Variants in RHNO1 observed in about 807,000 individuals in gnomAD.
RHNO1 encodes the protein RAD9-HUS1-RAD1 interacting nuclear orphan 1, also known as RAD9, HUS1, RAD1-interacting nuclear orphan protein 1.
In RHNO1, 9 loss-of-function variants were observed where a neutral mutation model predicts 7.2. That is an observed-to-expected ratio of 1.25 (90% confidence interval 0.75 to 2.18). The LOEUF (loss-of-function observed/expected upper bound fraction) is 2.18. Among genes scored for constraint, RHNO1 ranks in the 30% most tolerant of loss-of-function variants. The pLI is 0.00. For missense variants in RHNO1, 292 were observed against 284.5 expected, an observed-to-expected ratio of 1.03 and a Z score of -0.19; for synonymous variants, 95 against 107.5, an observed-to-expected ratio of 0.88 and a Z score of 0.72.
chr12:2,888,668 C>T lies in RHNO1; in HGVS notation c.*209C>T. On this transcript the variant is annotated 3_prime_UTR_variant, in exon 3 of 3. Transcript: ENST00000489288. ...TCAGCCTCCCCAGTAGCTGGGATTA[C>T]AGGCACCAGCCACCATGCCTGGCTA... 1 of 411,980 alleles carries T rather than the reference C, an allele frequency of 2.4e-6. No homozygotes were observed. The highest frequency in any genetic ancestry group is 4.0e-5 in the Admixed American group (1 of 25,260). The allele number at this position is 411,980 out of a possible 1,614,324, so 25.5% of individuals were successfully genotyped here.
chr12:2,883,151 C>T (rs996912608), intron 1 of RHNO1, among the ~76,000 whole-genome samples: 9 of 149,224 alleles, frequency 6.0e-5, no homozygotes, highest in Admixed American at 1.3e-4. Context: ...GGCTGAGGTG[C>T]GCAGATAGCT....
intron 2 of RHNO1, among the ~76,000 whole-genome samples, chr12:2,886,715 A>G (rs1017256391): frequency 6.6e-6 from 1 of 151,946 alleles, no homozygotes; most frequent in Non-Finnish European, 1.5e-5. Context: ...ACTATACAAC[A>G]GGAAAGTAGT....
chr12:2,883,511 A>ATATATAT (rs2098161542), intron 1 of RHNO1, among the ~76,000 whole-genome samples: 25 of 26,830 alleles, frequency 9.3e-4, no homozygotes, highest in African/African-American at 1.7e-3. Flanking sequence ...ATATATATAT[A>ATATATAT]TTTTTTTTTT....
Position 2,885,560 on chromosome 12 carries a change from C to CT in RHNO1, c.168+26_168+27insT, listed in dbSNP as rs2098164432. 2.6e-4 allele frequency: 190 copies of CT among 737,592 alleles called. 2 individuals are homozygous for CT. Among genetic ancestry groups the CT allele is most frequent in the African/African-American group, 8.3e-4 (36 of 43,612 alleles). The allele number at this position is 737,592 out of a possible 1,614,324, so 45.7% of individuals were successfully genotyped here. ...GTAGGCCCATGGGATTACTATTTGA[C>CT]ATTTTTTTTTTTTTTTTTTTTTTTT... On this transcript the variant is annotated intron_variant, in intron 2 of 2. Coordinates refer to ENST00000489288, the MANE Select transcript of RHNO1 (RefSeq NM_001252499.3).
intron 2 of RHNO1, among the ~76,000 whole-genome samples, chr12:2,887,369 A>G (rs2098166787): frequency 6.6e-6 from 1 of 151,372 alleles, no homozygotes; most frequent in South Asian, 2.1e-4. Flanking sequence ...TCCCAGCTAC[A>G]CGGGAAGCTT....
At chr12:2,887,094 G>A (rs1247283458) in intron 2 of RHNO1, 4 of 419,466 alleles carry the variant, frequency 9.5e-6, no homozygotes, top group South Asian at 4.9e-5. Context: ...TGTAATCCCA[G>A]CACTTTGGGA....
rs1349144621 is a variant in RHNO1, at chr12:2,888,381, G to A, written c.639G>A (p.Trp213Ter). Reference sequence around the variant, plus strand: ...ACAAGTATGGAATAAAGGTCACATGGAGGAGACGACAGCACCTGCTTGCTT... The same window carrying A: ...ACAAGTATGGAATAAAGGTCACATGAAGGAGACGACAGCACCTGCTTGCTT... Reference protein sequence around the residue: ...PEDKYGIKVTWRRRQHLLAYL... With the variant: ...PEDKYGIKVT Residue 213 changes from tryptophan (W) to a stop codon, truncating the protein, a stop_gained, in exon 3 of 3, where the codon TGG becomes TGA. Coordinates refer to ENST00000489288, the MANE Select transcript of RHNO1 (RefSeq NM_001252499.3). LOFTEE classifies it high-confidence loss of function. 9 of 1,614,024 alleles carry A rather than the reference G, an allele frequency of 5.6e-6. No individual in the cohort carries two copies. The highest frequency in any genetic ancestry group is 7.6e-6 in the Non-Finnish European group (9 of 1,179,962).
chr12:2,881,268 A>C (rs2153944591), intron 1 of RHNO1, among the ~76,000 whole-genome samples: 1 of 151,320 alleles, frequency 6.6e-6, no homozygotes, highest in African/African-American at 2.4e-5. Context: ...ACGCCTGGCT[A>C]ATTTTTGTAT....
intron 1 of RHNO1, among the ~76,000 whole-genome samples, chr12:2,878,918 G>T (rs1231270751): frequency 6.6e-6 from 1 of 151,814 alleles, no homozygotes; most frequent in East Asian, 1.9e-4. Flanking sequence ...TCAGGGGAAT[G>T]ATCGTGAATT....
Position 2,888,228 on chromosome 12 carries a change from A to G in RHNO1, c.486A>G (p.Ser162=), listed in dbSNP as rs373895599. The G allele has an allele frequency of 1.4e-5, 22 of 1,614,144 alleles. No individual in the cohort carries two copies. In the African/African-American group the frequency reaches 2.1e-4, roughly 16 times the overall value. ...FIPPDIQTPE[S]SSVKEELIPQ... Reference sequence around the variant, plus strand: ...CACCTGATATCCAGACCCCAGAGTCATCGTCTGTGAAGGAAGAACTCATTC... The same window carrying G: ...CACCTGATATCCAGACCCCAGAGTCGTCGTCTGTGAAGGAAGAACTCATTC... Residue 162 remains serine, a synonymous_variant, in exon 3 of 3, where the codon TCA becomes TCG. Transcript: ENST00000489288.
chr12:2,882,759 T>C (rs1000153119), intron 1 of RHNO1, among the ~76,000 whole-genome samples: 4 of 151,980 alleles, frequency 2.6e-5, no homozygotes, highest in Admixed American at 6.6e-5. Context: ...TTGACTGTTA[T>C]TTTAGACATA....
chr12:2,876,515 G>A (rs1384079234), upstream of RHNO1: 1 of 152,460 alleles, frequency 6.6e-6, no homozygotes, highest in Non-Finnish European at 1.5e-5. Context: ...CCTGCAAAAG[G>A]GTAAGTAAGA....
At chr12:2,887,392 C>T (rs943264739) in intron 2 of RHNO1, among the ~76,000 whole-genome samples, 1 of 150,472 alleles carries the variant, frequency 6.6e-6, no homozygotes, top group Non-Finnish European at 1.5e-5. Flanking sequence ...GCAGCAGAAT[C>T]GCTTGCATCA....
rs796965997 is a variant in RHNO1 at position 2,884,672 on chromosome 12, A to AT, written c.-84-600dup. On this transcript the variant is annotated intron_variant, in intron 1 of 2. Transcript: ENST00000489288. ...GCCCCCTCACCCAGCCATGTCACCT[A>AT]TTTTTTTTTTTAACCTCAGCCTGAC... Among the ~76,000 whole-genome samples the AT allele has an allele frequency of 5.0e-3, 741 of 146,760 alleles. 4 individuals are homozygous for AT. The highest frequency in any genetic ancestry group is 0.017 in the African/African-American group (690 of 40,172).
rs926297890 is a variant in RHNO1 at position 2,877,245 on chromosome 12, G to T, written c.-122G>T. The T allele has an allele frequency of 6.6e-6, 1 of 152,384 alleles. No homozygotes were observed. Among genetic ancestry groups the T allele is most frequent in the South Asian group, 2.1e-4 (1 of 4,832 alleles). The allele number at this position is 152,384 out of a possible 1,614,324, so 9.4% of individuals were successfully genotyped here. On this transcript the variant is annotated 5_prime_UTR_variant, in exon 1 of 3. Coordinates refer to ENST00000489288, the MANE Select transcript of RHNO1 (RefSeq NM_001252499.3). The stretch of plus-strand genomic sequence containing the variant: ...GGCATTCCGGGCTCGAAGGCTGTGC[G>T]GTCTGCCAGGAGCTGCGGCCCCGTC...
Position 2,888,015 on chromosome 12 carries a change from T to G in RHNO1, c.273T>G (p.Phe91Leu). Residue 91 changes from phenylalanine (F) to leucine (L), a missense_variant, in exon 3 of 3, where the codon TTT becomes TTG. Phe to Leu is a conservative substitution (Grantham distance 22). Transcript: ENST00000489288. The part of the protein sequence containing the change: ...HSSRKPTTSK[F>L]PHLTFESPQS... Reference sequence around the variant, plus strand: ...GTCGAAAACCTACCACCTCCAAGTTTCCACATCTAACTTTTGAGAGTCCGC... The same window carrying G: ...GTCGAAAACCTACCACCTCCAAGTTGCCACATCTAACTTTTGAGAGTCCGC... The G allele has an allele frequency of 6.2e-7, 1 of 1,614,020 alleles. No homozygotes were observed. The highest frequency in any genetic ancestry group is 8.5e-7 in the Non-Finnish European group (1 of 1,180,008).
chr12:2,883,505 A>ATTTT (rs2098161364), intron 1 of RHNO1, among the ~76,000 whole-genome samples: 1 of 31,920 alleles, frequency 3.1e-5, no homozygotes, highest in African/African-American at 1.7e-4. Flanking sequence ...ATATATATAT[A>ATTTT]TATATATTTT....
intron 1 of RHNO1, among the ~76,000 whole-genome samples, chr12:2,880,614 A>G (rs987190926): frequency 6.6e-6 from 1 of 151,988 alleles, no homozygotes; most frequent in African/African-American, 2.4e-5. Context: ...ACTTTGTCTC[A>G]AAACAAACAA....
chr12:2,887,718 A>G (rs1173609675), intron 2 of RHNO1, among the ~76,000 whole-genome samples, 193 bp from the exon 3 acceptor site: 1 of 152,154 alleles, frequency 6.6e-6, no homozygotes, highest in Non-Finnish European at 1.5e-5. Flanking sequence ...TTTCCTACAC[A>G]TGAGGAAGCT....
Sources: allele counts gnomAD v4.1 joint callset (sites outside exome capture counted in the v4.1 genomes callset), GRCh38; gene constraint gnomAD v4.1.1; transcripts MANE v1.5; gene names NCBI Gene and HGNC (gene_info 2026-07-23, HGNC 2026-07-21).